The following GPC5 variants were observed in gnomAD, a reference collection of about 807,000 sequenced individuals.
GPC5 encodes the protein glypican-5.
Under a neutral mutation model 53.9 loss-of-function variants are expected in GPC5, and 47 were observed. The observed-to-expected ratio is 0.87, with a 90% confidence interval of 0.69 to 1.11. The LOEUF is 1.11. Among genes scored for constraint, GPC5 ranks in the 50% most tolerant of loss-of-function variants. The probability of loss-of-function intolerance (pLI) is 0.00; values close to 1 mark genes in which losing one functional copy is unlikely to be tolerated. For missense variants in GPC5, 748 were observed against 713.1 expected (o/e 1.05, Z -0.56); for synonymous variants, 286 against 263.3 (o/e 1.09, Z -0.84).
intron 7 of GPC5, among the ~76,000 whole-genome samples, chr13:92,303,993 T>C (rs2139201167): frequency 6.6e-6 from 1 of 152,256 alleles, no homozygotes; most frequent in East Asian, 1.9e-4. Flanking sequence ...CTATAACTGA[T>C]GTCTGTCTAC....
intron 2 of GPC5, among the ~76,000 whole-genome samples, chr13:91,618,851 A>T (rs2033772942): frequency 6.6e-6 from 1 of 152,062 alleles, no homozygotes; most frequent in African/African-American, 2.4e-5. Flanking sequence ...GAGTTTTTGT[A>T]TTAAATGAAA....
rs1285296747 is a variant in GPC5 at position 92,453,686 on chromosome 13, C to T, written c.1561+308697C>T. Among the ~76,000 whole-genome samples the T allele has an allele frequency of 2.6e-5, 4 of 151,898 alleles. No individual in the cohort carries two copies. In the South Asian group the frequency reaches 6.2e-4, roughly 24 times the overall value. On this transcript the variant is annotated intron_variant, in intron 7 of 7. Transcript: ENST00000377067. The stretch of plus-strand genomic sequence containing the variant: ...TGTCTTTTCTCCCTAATCTCTCTTA[C>T]GAAAAAAATAATACCGGTATGTATT...
intron 7 of GPC5, among the ~76,000 whole-genome samples, chr13:92,633,854 G>T (rs1885334555): frequency 6.6e-6 from 1 of 151,946 alleles, no homozygotes; most frequent in African/African-American, 2.4e-5. Context: ...ATGTTTATCT[G>T]TCTTCATATA....
chr13:92,489,774 T>C (rs980964040), intron 7 of GPC5, among the ~76,000 whole-genome samples: 2 of 151,812 alleles, frequency 1.3e-5, no homozygotes, highest in East Asian at 3.9e-4. Context: ...TAGTTGGAGG[T>C]ACAGACAGAG....
intron 7 of GPC5, among the ~76,000 whole-genome samples, chr13:92,834,386 T>C (rs992219248): frequency 6.6e-6 from 1 of 152,132 alleles, no homozygotes; most frequent in African/African-American, 2.4e-5. Context: ...TGGGTATTGT[T>C]ACACAATTCA....
At chr13:91,891,194 G>A (rs899507587) in intron 5 of GPC5, among the ~76,000 whole-genome samples, 1 of 152,040 alleles carries the variant, frequency 6.6e-6, no homozygotes, top group Non-Finnish European at 1.5e-5. Flanking sequence ...AATAACAGAT[G>A]TATTAAAGAT....
intron 4 of GPC5, among the ~76,000 whole-genome samples, chr13:91,733,131 T>TTTTTG (rs1305455266): frequency 1.3e-5 from 2 of 152,128 alleles, no homozygotes; most frequent in Admixed American, 6.5e-5. Flanking sequence ...ATTTTCACAA[T>TTTTTG]TTTTGTTTTG....
chr13:91,435,830 G>T (rs942176701), intron 1 of GPC5, among the ~76,000 whole-genome samples: 4 of 152,152 alleles, frequency 2.6e-5, no homozygotes, highest in African/African-American at 9.7e-5. Flanking sequence ...ACTGTTTTTG[G>T]TTGGTAAGCC....
intron 7 of GPC5, among the ~76,000 whole-genome samples, chr13:92,251,103 A>G (rs901530063): frequency 2.0e-5 from 3 of 152,132 alleles, no homozygotes; most frequent in African/African-American, 7.2e-5. Flanking sequence ...TATCAATTAA[A>G]TTACAATCCC....
At chr13:92,013,251 G>C (rs150558213) in intron 6 of GPC5, among the ~76,000 whole-genome samples, 1 of 152,212 alleles carries the variant, frequency 6.6e-6, no homozygotes, top group Non-Finnish European at 1.5e-5. Context: ...TAAAGGCAGA[G>C]AATTTTATTT....
intron 7 of GPC5, among the ~76,000 whole-genome samples, chr13:92,591,481 A>C (rs1233974168): frequency 6.6e-6 from 1 of 152,180 alleles, no homozygotes; most frequent in Non-Finnish European, 1.5e-5. Context: ...TAACATATAA[A>C]ATTATATGTA....
At chr13:92,350,420 A>C (rs534476626) in intron 7 of GPC5, among the ~76,000 whole-genome samples, 5 of 152,188 alleles carry the variant, frequency 3.3e-5, no homozygotes, top group African/African-American at 4.8e-5. Flanking sequence ...GAATTATGCT[A>C]AGTAAAACAA....
At chr13:92,381,780 TAAAC>T (rs1271265823) in intron 7 of GPC5, among the ~76,000 whole-genome samples, 1 of 122,558 alleles carries the variant, frequency 8.2e-6, no homozygotes, top group African/African-American at 3.0e-5. Flanking sequence ...AGTGGATAAA[TAAAC>T]TGTGATATAT....
intron 7 of GPC5, among the ~76,000 whole-genome samples, chr13:92,410,939 A>G (rs1451289841): frequency 6.6e-6 from 1 of 152,244 alleles, no homozygotes; most frequent in Non-Finnish European, 1.5e-5. Flanking sequence ...TTTTCTTAAC[A>G]AAAGATTACT....
intron 6 of GPC5, among the ~76,000 whole-genome samples, chr13:91,919,699 C>G (rs1221355333): frequency 6.6e-6 from 1 of 152,066 alleles, no homozygotes; most frequent in Admixed American, 6.6e-5. Context: ...AGATAACTCT[C>G]CTCCACTTTC....
intron 7 of GPC5, among the ~76,000 whole-genome samples, chr13:92,818,458 T>G (rs1390393465): frequency 6.6e-6 from 1 of 152,032 alleles, no homozygotes; most frequent in African/African-American, 2.4e-5. Flanking sequence ...CTTATAGATA[T>G]GTCCTTCTGC....
At chr13:92,013,860 A>G (rs1304298487) in intron 6 of GPC5, among the ~76,000 whole-genome samples, 1 of 152,132 alleles carries the variant, frequency 6.6e-6, no homozygotes, top group Non-Finnish European at 1.5e-5. Flanking sequence ...AAACCTATAA[A>G]TTGTCATATA....
chr13:91,783,294 C>T (rs1312363723), intron 5 of GPC5, among the ~76,000 whole-genome samples: 2 of 151,808 alleles, frequency 1.3e-5, no homozygotes, highest in African/African-American at 4.8e-5. Context: ...AATTTGAAGA[C>T]AAAATTGAGA....
At chr13:92,268,577 C>CTT (rs200531427) in intron 7 of GPC5, among the ~76,000 whole-genome samples, 85 of 149,630 alleles carry the variant, frequency 5.7e-4, no homozygotes, top group African/African-American at 1.4e-3. Context: ...TAGGTAATAT[C>CTT]TTTTTTTTTT....
Sources: gnomAD v4.1 joint callset for allele counts (sites outside exome capture counted in the v4.1 genomes callset) on GRCh38, gnomAD v4.1.1 for gene constraint, MANE v1.5 for transcripts, NCBI Gene and HGNC (gene_info 2026-07-23, HGNC 2026-07-21) for gene names.